Variants in SEC14L1 observed in about 807,000 individuals in gnomAD.
The protein encoded by SEC14L1 is SEC14-like protein 1.
In SEC14L1, 48 loss-of-function variants were observed where a neutral mutation model predicts 85.3. That is an observed-to-expected ratio of 0.56 (90% CI 0.45 to 0.72). The LOEUF is 0.72. Ranked by LOEUF, SEC14L1 falls within the 30% of genes least tolerant of loss-of-function variation. The pLI is 0.00. For synonymous variants in SEC14L1, 391 were observed against 355.5 expected, an observed-to-expected ratio of 1.10 and a Z score of -1.12; for missense variants, 682 against 921.4, an observed-to-expected ratio of 0.74 and a Z score of 3.36.
intron 5 of SEC14L1, among the ~76,000 whole-genome samples, chr17:77,192,513 C>G (rs752335035): frequency 1.3e-5 from 2 of 152,156 alleles, no homozygotes; most frequent in Non-Finnish European, 2.9e-5. Flanking sequence ...GGGCCTCCCC[C>G]AGGGGCTTTG....
intron 3 of SEC14L1, among the ~76,000 whole-genome samples, chr17:77,172,111 T>C (rs1430450417): frequency 6.6e-6 from 1 of 152,176 alleles, no homozygotes; most frequent in Non-Finnish European, 1.5e-5. Context: ...AAAAAGTTTT[T>C]CCTGTGAACA....
rs1290725677 is a variant in SEC14L1, at chr17:77,142,622, GTC to G, written c.-135-16_-135-15del. 7 of 147,978 alleles carry G rather than the reference GTC, an allele frequency of 4.7e-5. No homozygotes were observed. The East Asian group carries it at 9.9e-4, about 21-fold the overall frequency. The allele number at this position is 147,978 out of a possible 1,614,324, so 9.2% of individuals were successfully genotyped here. On this transcript the variant is annotated intron_variant, in intron 1 of 16. Transcript: ENST00000436233. The stretch of plus-strand genomic sequence containing the variant: ...GAAATAAAATACATCTTGGTAATTT[GTC>G]TCTCTCTTTTTTTTTTAACAGCTAG...
rs1430170166 is a variant in SEC14L1, at chr17:77,200,611, C to T, written c.947C>T (p.Thr316Ile). The change falls in exon 9 of 17, where the codon ACC becomes ATC. Residue 316 changes from threonine to isoleucine, a missense_variant. Thr to Ile is a moderately conservative substitution (Grantham distance 89). This residue lies in a region of SEC14L1 where 420 missense variants were observed against 619.5 expected (regional missense o/e 0.68). Transcript: ENST00000436233. ...KQHQVDYILETWTPPQVLQDY... is the reference protein window; with the variant it reads ...KQHQVDYILEIWTPPQVLQDY... ...CATCAGGTAGACTACATTCTTGAAA[C>T]CTGGACCCCTCCTCAGGTCCTTCAG... The T allele has an allele frequency of 6.2e-7, 1 of 1,614,134 alleles. No homozygotes were observed. The highest frequency in any genetic ancestry group is 8.5e-7 in the Non-Finnish European group (1 of 1,180,008).
chr17:77,148,965 C>T (rs541737585), intron 3 of SEC14L1, among the ~76,000 whole-genome samples: 4 of 152,330 alleles, frequency 2.6e-5, no homozygotes, highest in South Asian at 4.1e-4. Flanking sequence ...GTCTTGTTCC[C>T]GTTGGCCCGG....
At position 77,209,378 on chromosome 17, in the gene SEC14L1, C is replaced by G. The variant is rs371391724; in HGVS notation, c.1513C>G (p.Leu505Val). The G allele has an allele frequency of 6.2e-7, 1 of 1,614,190 alleles. No homozygotes were observed. The highest frequency in any genetic ancestry group is 2.2e-5 in the East Asian group (1 of 44,892). ...AGAGGGTGGACTGGTCCCCAAATCT[C>G]TGTACCGGACTGCAGAGGAGCTGGA... ...VPEGGLVPKS[L>V]YRTAEELENE... The change falls in exon 14 of 17, where the codon CTG (leucine) becomes GTG (valine). Residue 505 changes from leucine to valine, a missense_variant. By Grantham distance (32) the Leu-to-Val change is conservative. Transcript: ENST00000436233.
chr17:77,103,254 A>G (rs1971819743), intron 3 of SEC14L1, among the ~76,000 whole-genome samples: 1 of 151,956 alleles, frequency 6.6e-6, no homozygotes, highest in Non-Finnish European at 1.5e-5. Flanking sequence ...CTGGGATTAC[A>G]GGCACATGTG....
intron 2 of SEC14L1, among the ~76,000 whole-genome samples, chr17:77,143,054 C>G (rs773790018): frequency 2.6e-5 from 4 of 152,182 alleles, no homozygotes; most frequent in Non-Finnish European, 5.9e-5. Flanking sequence ...TGACACGTTT[C>G]CTTTGAAGCT....
chr17:77,190,850 G>T lies in SEC14L1; in HGVS notation c.111G>T (p.Val37=), dbSNP rs751450088. 1 of 1,614,216 alleles carries T rather than the reference G, an allele frequency of 6.2e-7. No homozygotes were observed. Among genetic ancestry groups the T allele is most frequent in the Non-Finnish European group, 8.5e-7 (1 of 1,180,028 alleles). Residue 37 remains valine (V), a synonymous_variant, in exon 4 of 17, where the codon GTG becomes GTT. Coordinates refer to ENST00000436233, the MANE Select transcript of SEC14L1 (RefSeq NM_001143998.2). ...CATGTCCTTTGATTCCGATGTTCGT[G>T]GGCAGTGACACTGTGAATGAATTCA... The part of the protein sequence containing the change: ...FPTCPLIPMF[V]GSDTVNEFKS...
chr17:77,171,220 C>T (rs1162886589), intron 3 of SEC14L1, among the ~76,000 whole-genome samples: 1 of 152,126 alleles, frequency 6.6e-6, no homozygotes, highest in East Asian at 1.9e-4. Context: ...GCCTGGGGAC[C>T]CCAGTGAGTT....
chr17:77,135,323 T>C (rs1972761632), intron 3 of SEC14L1, among the ~76,000 whole-genome samples: 1 of 152,236 alleles, frequency 6.6e-6, no homozygotes, highest in African/African-American at 2.4e-5. Flanking sequence ...CACCAGTAAC[T>C]TCATTCAGCC....
chr17:77,208,780 A>G (rs1398532699), intron 13 of SEC14L1, among the ~76,000 whole-genome samples: 1 of 152,224 alleles, frequency 6.6e-6, no homozygotes, highest in Non-Finnish European at 1.5e-5. Context: ...GTGTGGAGTC[A>G]TTGTGTCAAG....
In SEC14L1 at chr17:77,142,628, C is replaced by G. The variant is rs1290393084; in HGVS notation, c.-135-18C>G. 6.7e-6 allele frequency: 1 copy of G among 148,964 alleles called. No individual in the cohort carries two copies. Among genetic ancestry groups the G allele is most frequent in the Non-Finnish European group, 1.5e-5 (1 of 67,320 alleles). The allele number at this position is 148,964 out of a possible 1,614,324, so 9.2% of individuals were successfully genotyped here. On this transcript the variant is annotated intron_variant, in intron 1 of 16. Transcript: ENST00000436233. Reference sequence around the variant, plus strand: ...AAATACATCTTGGTAATTTGTCTCTCTCTTTTTTTTTTAACAGCTAGACTT... The same window carrying G: ...AAATACATCTTGGTAATTTGTCTCTGTCTTTTTTTTTTAACAGCTAGACTT...
At chr17:77,120,635 C>G (rs1352801408) in intron 3 of SEC14L1, among the ~76,000 whole-genome samples, 1 of 152,200 alleles carries the variant, frequency 6.6e-6, no homozygotes, top group Non-Finnish European at 1.5e-5. Flanking sequence ...TGCCACCACG[C>G]CCAGCTAATT....
At chr17:77,193,873 TG>T (rs1471656854) in intron 6 of SEC14L1, among the ~76,000 whole-genome samples, 1 of 152,186 alleles carries the variant, frequency 6.6e-6, no homozygotes, top group Non-Finnish European at 1.5e-5. Context: ...CCTGGGGGCC[TG>T]GGGAGGTGCT....
intron 3 of SEC14L1, among the ~76,000 whole-genome samples, chr17:77,155,334 A>G (rs1246007552): frequency 6.6e-6 from 1 of 152,028 alleles, no homozygotes; most frequent in African/African-American, 2.4e-5. Context: ...CCACACCCAC[A>G]CACCCACCCC....
chr17:77,125,736 G>A (rs1467327242), intron 3 of SEC14L1, among the ~76,000 whole-genome samples: 3 of 152,208 alleles, frequency 2.0e-5, no homozygotes, highest in African/African-American at 7.2e-5. Context: ...GAGGCCCCTG[G>A]CCATCCCACG....
rs921205289 is a variant in SEC14L1, at chr17:77,143,747, G to A, written c.63+88G>A. 3.7e-5 allele frequency: 35 copies of A among 936,144 alleles called. 1 individual carries two copies. Among genetic ancestry groups the A allele is most frequent in the East Asian group, 1.5e-4 (6 of 38,800 alleles). 58.0% of individuals were successfully genotyped at this position (936,144 alleles called of 1,614,324 possible). A position where few individuals can be genotyped will look rare whatever the true frequency, so the allele number is the denominator to read the frequency against. On this transcript the variant is annotated intron_variant, in intron 3 of 16. Transcript: ENST00000436233. ...TTGATGATCTATAGATTTATTGTTC[G>A]TCTCCATGGCATCACTTGAACTTAC... is the stretch of plus-strand genomic sequence containing the variant.
intron 3 of SEC14L1, among the ~76,000 whole-genome samples, chr17:77,150,267 C>A (rs1973497447): frequency 1.3e-5 from 2 of 152,148 alleles, no homozygotes; most frequent in Non-Finnish European, 2.9e-5. Context: ...CACAGACCAG[C>A]TTTGTAACCT....
chr17:77,200,765 G>C, intron 9 of SEC14L1, 92 bp downstream of exon 9: 4 of 1,328,610 alleles, frequency 3.0e-6, no homozygotes, highest in Non-Finnish European at 2.1e-6. Flanking sequence ...AGTTGAGTGG[G>C]GCCCCCTTGA....
Sources: allele counts gnomAD v4.1 joint callset (sites outside exome capture counted in the v4.1 genomes callset), GRCh38; gene constraint gnomAD v4.1.1; regional missense constraint gnomAD v4.1.1; transcripts MANE v1.5; gene names NCBI Gene and HGNC (gene_info 2026-07-23, HGNC 2026-07-21).